Variants in DMD observed in about 807,000 individuals in gnomAD.
DMD encodes the protein dystrophin, also known as mutant dystrophin.
A neutral mutation model predicts 330.1 loss-of-function variants in DMD; 63 were observed. That is an observed-to-expected ratio of 0.19 (90% CI 0.16 to 0.24). The LOEUF is 0.24. DMD is among the 10% of genes least tolerant of loss of function. The pLI is 1.00. For synonymous variants in DMD, 1,223 were observed against 959.8 expected (o/e 1.27, Z -5.07); for missense variants, 3,344 against 2,684.1 (o/e 1.25, Z -5.43).
At chrX:31,636,223 G>C (rs960767489) in intron 54 of DMD, among the ~76,000 whole-genome samples, 1 of 111,188 alleles carries the variant, frequency 9.0e-6, no homozygotes, top group African/African-American at 3.3e-5. Context: ...AGAGGATCAA[G>C]AAAAATATCT....
chrX:32,895,844 CGTGTGTGT>C lies in DMD; in HGVS notation c.94-46032_94-46025del, dbSNP rs5902042. Among the ~76,000 whole-genome samples, 91 of 99,628 alleles carry C rather than the reference CGTGTGTGT, an allele frequency of 9.1e-4. 1 individual carries two copies. Among genetic ancestry groups the C allele is most frequent in the East Asian group, 4.5e-3 (14 of 3,140 alleles). The allele number at this position is 99,628 out of a possible 115,157, so 86.5% of individuals were successfully genotyped here. A position where few individuals can be genotyped will look rare whatever the true frequency, so the allele number is the denominator to read the frequency against. ...GAGCTGGCTGCTGGCTTGGAATGAA[CGTGTGTGT>C]GTGTGTGTGTGTGTGTGTGTGTGTA... On this transcript the variant is annotated intron_variant, in intron 2 of 78. Transcript: ENST00000357033.
chrX:32,874,766 A>G (rs1342095985), intron 2 of DMD, among the ~76,000 whole-genome samples: 2 of 111,722 alleles, frequency 1.8e-5, no homozygotes, highest in African/African-American at 3.3e-5. Context: ...GTTTCTTAGA[A>G]TACTCACTCT....
At chrX:32,149,036 G>A (rs1317181634) in intron 44 of DMD, among the ~76,000 whole-genome samples, 1 of 111,820 alleles carries the variant, frequency 8.9e-6, no homozygotes, top group African/African-American at 3.3e-5. Context: ...TTTAAAAAAA[G>A]GAGTCCTTAA....
intron 43 of DMD, among the ~76,000 whole-genome samples, chrX:32,247,812 G>C (rs1569553105): frequency 9.0e-6 from 1 of 110,981 alleles, no homozygotes; most frequent in Non-Finnish European, 1.9e-5. Context: ...AGAAATCAGG[G>C]TTTATATGTT....
intron 53 of DMD, among the ~76,000 whole-genome samples, chrX:31,662,311 T>G (rs1380170118): frequency 9.0e-6 from 1 of 111,715 alleles, no homozygotes; most frequent in African/African-American, 3.2e-5. Context: ...ATCATCATCA[T>G]CATTACTACT....
At chrX:32,409,481 A>T (rs1226225909) in intron 30 of DMD, among the ~76,000 whole-genome samples, 2 of 111,646 alleles carry the variant, frequency 1.8e-5, no homozygotes. Context: ...ATGTTTATAA[A>T]ATCCTGAATC....
chrX:32,053,874 C>A (rs1373025095), intron 44 of DMD, among the ~76,000 whole-genome samples: 1 of 110,629 alleles, frequency 9.0e-6, no homozygotes, highest in Non-Finnish European at 1.9e-5. Flanking sequence ...TTCTGTAAAC[C>A]TTTTGAAAGT....
At chrX:32,892,760 C>T (rs2085336840) in intron 2 of DMD, among the ~76,000 whole-genome samples, 1 of 111,769 alleles carries the variant, frequency 8.9e-6, no homozygotes, top group South Asian at 3.7e-4. Context: ...ATCCCCTATA[C>T]TGTATTACTT....
intron 4 of DMD, among the ~76,000 whole-genome samples, chrX:32,834,088 T>C (rs1311676848): frequency 8.9e-6 from 1 of 111,745 alleles, no homozygotes; most frequent in African/African-American, 3.2e-5. Flanking sequence ...GAACATTTAC[T>C]ATTAATGCAT....
Position 32,454,621 on chromosome X carries a change from A to G in DMD, c.3603+41T>C, listed in dbSNP as rs1240048174. 3 of 1,061,724 alleles carry G rather than the reference A, an allele frequency of 2.8e-6. No individual in the cohort carries two copies. In the Admixed American group the frequency reaches 7.6e-5, roughly 27 times the overall value. The allele number at this position is 1,061,724 out of a possible 1,213,427, so 87.5% of individuals were successfully genotyped here. On this transcript the variant is annotated intron_variant, in intron 26 of 78. Coordinates refer to ENST00000357033, the MANE Select transcript of DMD (RefSeq NM_004006.3). ...GTTGCATTTCTTTCTTTTTCCATTT[A>G]TTTCCTTTGTTTTACTTAGTTTTTC...
At chrX:33,310,767 G>C (rs764825334) in intron 1 of DMD, among the ~76,000 whole-genome samples, 1 of 110,841 alleles carries the variant, frequency 9.0e-6, no homozygotes, top group African/African-American at 3.3e-5. Flanking sequence ...TAAAGATTAC[G>C]AGTCTAGGCT....
chrX:33,195,704 A>G (rs1897443371), intron 1 of DMD, among the ~76,000 whole-genome samples: 1 of 105,962 alleles, frequency 9.4e-6, no homozygotes, highest in South Asian at 4.1e-4. Flanking sequence ...AAAAGTATCT[A>G]CTTAGGATTA....
chrX:32,234,884 A>G (rs1304006012), intron 43 of DMD, among the ~76,000 whole-genome samples: 1 of 111,744 alleles, frequency 8.9e-6, no homozygotes, highest in African/African-American at 3.3e-5. Context: ...AAGGAAAAAA[A>G]GATTCAGAGA....
chrX:33,009,172 GTGTATATATACGTATATATGTATATA>G (rs2093507104), intron 2 of DMD, among the ~76,000 whole-genome samples: 1 of 31,070 alleles, frequency 3.2e-5, no homozygotes, highest in Non-Finnish European at 5.8e-5. Flanking sequence ...GTATATATAT[GTGTATATATACGTATATATGTATATA>G]TGTGTATATA....
intron 45 of DMD, among the ~76,000 whole-genome samples, chrX:31,942,633 A>T (rs1490297659): frequency 1.8e-5 from 2 of 111,320 alleles, no homozygotes; most frequent in African/African-American, 6.5e-5. Flanking sequence ...CACTTCCTCT[A>T]CAAAGCTTTC....
chrX:32,964,873 T>A (rs1775250321), intron 2 of DMD, among the ~76,000 whole-genome samples: 1 of 112,314 alleles, frequency 8.9e-6, no homozygotes. Context: ...ATATACCTTT[T>A]GTTGAAAGTA....
chrX:33,283,664 A>G (rs1295193173), intron 1 of DMD, among the ~76,000 whole-genome samples: 2 of 111,395 alleles, frequency 1.8e-5, no homozygotes, highest in Non-Finnish European at 3.8e-5. Context: ...AAATATCTCA[A>G]TTTACAGAAA....
intron 62 of DMD, among the ~76,000 whole-genome samples, chrX:31,312,867 G>A (rs5972367): frequency 0.34 from 37,671 of 110,043 alleles, 5,645 homozygotes; most frequent in African/African-American, 0.58. Flanking sequence ...AAAACCAAAC[G>A]CTGCATGTTC....
chrX:32,095,867 G>C (rs908908056), intron 44 of DMD, among the ~76,000 whole-genome samples: 43 of 109,296 alleles, frequency 3.9e-4, no homozygotes, highest in African/African-American at 1.3e-3. Flanking sequence ...TAGCTAAATG[G>C]CAAGCCATTC....
Sources: allele counts gnomAD v4.1 joint callset (sites outside exome capture counted in the v4.1 genomes callset), GRCh38; gene constraint gnomAD v4.1.1; transcripts MANE v1.5; gene names NCBI Gene and HGNC (gene_info 2026-07-23, HGNC 2026-07-21).